Variants in SGCD observed in about 807,000 individuals in gnomAD.
SGCD encodes the protein delta-sarcoglycan.
Under a neutral mutation model 36.6 loss-of-function variants are expected in SGCD, and 18 were observed. That is an observed-to-expected ratio of 0.49 (90% CI 0.34 to 0.73). The LOEUF is 0.73. Ranked by LOEUF, SGCD falls within the 30% of genes least tolerant of loss-of-function variation. SGCD has a pLI of 0.01. For missense variants in SGCD, 387 were observed against 346.7 expected, an observed-to-expected ratio of 1.12 and a Z score of -0.92; for synonymous variants, 133 against 130.6, an observed-to-expected ratio of 1.02 and a Z score of -0.12.
intron 3 of SGCD, among the ~76,000 whole-genome samples, chr5:156,403,646 C>A (rs1772268987): frequency 6.6e-6 from 1 of 152,068 alleles, no homozygotes; most frequent in Non-Finnish European, 1.5e-5. Flanking sequence ...GAATTGGGGT[C>A]CCTCATGCCA....
At chr5:155,945,217 T>C (rs1283725575) in intron 1 of SGCD, among the ~76,000 whole-genome samples, 2 of 152,160 alleles carry the variant, frequency 1.3e-5, no homozygotes, top group Non-Finnish European at 2.9e-5. Flanking sequence ...TACTGCCAAA[T>C]GAACTAACTG....
chr5:156,287,416 G>A (rs763183915), intron 3 of SGCD, among the ~76,000 whole-genome samples: 2 of 152,076 alleles, frequency 1.3e-5, no homozygotes, highest in African/African-American at 2.4e-5. Flanking sequence ...CTAGAAAGGC[G>A]CATGAAACCG....
At chr5:156,359,418 A>G (rs929456503) in intron 3 of SGCD, among the ~76,000 whole-genome samples, 4 of 152,170 alleles carry the variant, frequency 2.6e-5, no homozygotes, top group African/African-American at 7.2e-5. Flanking sequence ...AGAACATATT[A>G]TCTAATCTCT....
At chr5:156,035,250 G>C (rs1347118) in intron 1 of SGCD, among the ~76,000 whole-genome samples, 3 of 151,900 alleles carry the variant, frequency 2.0e-5, no homozygotes, top group African/African-American at 7.3e-5. Context: ...CCATCTACTC[G>C]TGCAACTTTA....
intron 3 of SGCD, among the ~76,000 whole-genome samples, chr5:156,245,833 A>G (rs561986815): frequency 6.6e-6 from 1 of 152,276 alleles, no homozygotes; most frequent in Non-Finnish European, 1.5e-5. Flanking sequence ...TATTAGTGTA[A>G]TGCAAATGTG....
At chr5:156,080,029 C>G (rs1483758057) in intron 1 of SGCD, among the ~76,000 whole-genome samples, 1 of 152,254 alleles carries the variant, frequency 6.6e-6, no homozygotes, top group South Asian at 2.1e-4. Context: ...GATACATCCT[C>G]TGAAATCTAG....
intron 6 of SGCD, among the ~76,000 whole-genome samples, chr5:156,643,365 T>C (rs1409473707): frequency 6.6e-6 from 1 of 152,030 alleles, no homozygotes; most frequent in Non-Finnish European, 1.5e-5. Flanking sequence ...TAGTGTACAC[T>C]AGTGGAGGAT....
In SGCD at chr5:156,764,438, A is replaced by G. The variant is rs544319121; in HGVS notation, c.*5048A>G. The G allele has an allele frequency of 1.3e-5, 2 of 152,728 alleles. No individual in the cohort carries two copies. Among genetic ancestry groups the G allele is most frequent in the South Asian group, 2.1e-4 (1 of 4,818 alleles). 9.5% of individuals were successfully genotyped at this position (152,728 alleles called of 1,614,324 possible). On this transcript the variant is annotated 3_prime_UTR_variant, in exon 9 of 9. Transcript: ENST00000337851. The stretch of plus-strand genomic sequence containing the variant: ...CTTCAGCCAGCACAGCACACCACAC[A>G]CGCTCGCACTTTCAAAAGCAATGTG...
intron 7 of SGCD, among the ~76,000 whole-genome samples, chr5:156,681,170 A>G (rs1428327219): frequency 6.6e-6 from 1 of 152,216 alleles, no homozygotes; most frequent in African/African-American, 2.4e-5. Flanking sequence ...TCCGGCGTTC[A>G]GGAAGAATCA....
At chr5:156,568,236 T>G (rs1442837476) in intron 4 of SGCD, among the ~76,000 whole-genome samples, 13 of 151,964 alleles carry the variant, frequency 8.6e-5, no homozygotes. Flanking sequence ...ATACAGAAAT[T>G]AGCCGGGCAT....
intron 1 of SGCD, among the ~76,000 whole-genome samples, chr5:156,082,452 T>A (rs1056155728): frequency 6.6e-6 from 1 of 152,218 alleles, no homozygotes; most frequent in East Asian, 1.9e-4. Context: ...TTTGATCACT[T>A]CAATAGTGTT....
intron 3 of SGCD, among the ~76,000 whole-genome samples, chr5:156,483,501 G>A (rs1581057889): frequency 6.6e-6 from 1 of 152,156 alleles, no homozygotes; most frequent in African/African-American, 2.4e-5. Flanking sequence ...ACACACCCAC[G>A]TTCATGTTAC....
intron 1 of SGCD, among the ~76,000 whole-genome samples, chr5:155,874,698 A>G (rs963075645): frequency 1.3e-5 from 2 of 152,088 alleles, no homozygotes; most frequent in African/African-American, 4.8e-5. Flanking sequence ...GCACGTTTAA[A>G]CCACAAGGAG....
chr5:156,598,877 A>G (rs1761048460), intron 6 of SGCD, among the ~76,000 whole-genome samples: 1 of 152,214 alleles, frequency 6.6e-6, no homozygotes, highest in African/African-American at 2.4e-5. Context: ...GGTCACTTCA[A>G]AGCAGGTGGG....
At chr5:156,558,835 A>G (rs1267034995) in intron 4 of SGCD, among the ~76,000 whole-genome samples, 2 of 152,186 alleles carry the variant, frequency 1.3e-5, no homozygotes, top group South Asian at 2.1e-4. Context: ...ATGTGAAAAC[A>G]CTGTTTCTGT....
chr5:156,469,583 C>A (rs1754867836), intron 3 of SGCD, among the ~76,000 whole-genome samples: 1 of 152,150 alleles, frequency 6.6e-6, no homozygotes, highest in African/African-American at 2.4e-5. Flanking sequence ...GTAATAATTG[C>A]ACCATGGGGC....
intron 4 of SGCD, among the ~76,000 whole-genome samples, chr5:156,532,324 AG>A (rs1311654528): frequency 1.3e-5 from 2 of 152,210 alleles, no homozygotes; most frequent in Admixed American, 6.5e-5. Context: ...TAGATGTGAA[AG>A]TACTTTGCAG....
chr5:156,296,641 A>C (rs758709385), intron 3 of SGCD, among the ~76,000 whole-genome samples: 1 of 150,290 alleles, frequency 6.7e-6, no homozygotes, highest in Non-Finnish European at 1.5e-5. Context: ...ATCCTGTTGT[A>C]GTCACAGAAG....
intron 3 of SGCD, among the ~76,000 whole-genome samples, chr5:156,257,156 C>A (rs540211053): frequency 1.1e-4 from 14 of 124,244 alleles, no homozygotes; most frequent in Admixed American, 1.0e-3. Context: ...AGCCTGGACC[C>A]TGTCTTCAAA....
Sources: allele counts gnomAD v4.1 joint callset (sites outside exome capture counted in the v4.1 genomes callset), GRCh38; gene constraint gnomAD v4.1.1; transcripts MANE v1.5; gene names NCBI Gene and HGNC (gene_info 2026-07-23, HGNC 2026-07-21).